Variants in MED12L observed in about 807,000 individuals in gnomAD.
MED12L encodes mediator complex subunit 12L, also known as mediator of RNA polymerase II transcription subunit 12-like protein.
A neutral mutation model predicts 281.3 loss-of-function variants in MED12L; 60 were observed. The ratio of observed to expected loss-of-function variants is 0.21; its 90% CI spans 0.17 to 0.26. MED12L has a LOEUF of 0.26. MED12L is among the 10% of genes least tolerant of loss of function. The pLI is 1.00. For missense variants in MED12L, 2,146 were observed against 2,680.9 expected (o/e 0.80, Z 4.41); for synonymous variants, 974 against 987.2 (o/e 0.99, Z 0.25).
intron 16 of MED12L, among the ~76,000 whole-genome samples, chr3:151,283,723 A>G (rs1407327508): frequency 6.6e-6 from 1 of 152,234 alleles, no homozygotes; most frequent in African/African-American, 2.4e-5. Flanking sequence ...TGGGGAAGAC[A>G]GAGAATATTC....
intron 16 of MED12L, among the ~76,000 whole-genome samples, chr3:151,282,176 C>G (rs182149369): frequency 6.6e-6 from 1 of 152,182 alleles, no homozygotes; most frequent in Admixed American, 6.5e-5. Flanking sequence ...CCCACTTGCT[C>G]TCTTGGAGAC....
intron 16 of MED12L, among the ~76,000 whole-genome samples, chr3:151,194,284 G>T (rs139231332): frequency 2.6e-5 from 4 of 152,092 alleles, no homozygotes; most frequent in African/African-American, 7.2e-5. Flanking sequence ...GTTCTAATTT[G>T]AAAGTAAATT....
Position 151,424,252 on chromosome 3 carries a change from A to G in MED12L, c.6409-6047A>G, listed in dbSNP as rs139568222. ...TTTATAGAAAGAGGTTGGGGAAGAA[A>G]TATCAGGAGATTTCTGGTAACTGGA... is the stretch of plus-strand genomic sequence containing the variant. On this transcript the variant is annotated intron_variant, in intron 43 of 44. Coordinates refer to ENST00000687756, the MANE Select transcript of MED12L (RefSeq NM_001393769.1). Among the ~76,000 whole-genome samples the G allele has an allele frequency of 1.4e-4, 22 of 152,316 alleles. No individual in the cohort carries two copies. The East Asian group carries it at 4.2e-3, about 29-fold the overall frequency.
chr3:151,336,484 A>T (rs1031012433), intron 16 of MED12L: 1 of 456,108 alleles, frequency 2.2e-6, no homozygotes, highest in African/African-American at 2.0e-5. Context: ...ACACCCTTTT[A>T]TTTCTTCTGG....
At chr3:151,194,214 G>A (rs992669358) in intron 16 of MED12L, among the ~76,000 whole-genome samples, 5 of 152,052 alleles carry the variant, frequency 3.3e-5, no homozygotes, top group South Asian at 2.1e-4. Context: ...TGATCCGTCC[G>A]CCTAGGCCTC....
chr3:151,210,365 C>T (rs192016595), intron 16 of MED12L, among the ~76,000 whole-genome samples: 3 of 152,166 alleles, frequency 2.0e-5, no homozygotes, highest in East Asian at 1.9e-4. Flanking sequence ...ACAAAGAAGA[C>T]GGAGGCTGAA....
chr3:151,187,952 T>G (rs764721530), intron 12 of MED12L: 1 of 152,688 alleles, frequency 6.5e-6, no homozygotes, highest in Non-Finnish European at 1.5e-5. Context: ...GAATAGTTTG[T>G]TGTACCATAA....
intron 16 of MED12L, among the ~76,000 whole-genome samples, chr3:151,317,209 T>C (rs9872645): frequency 0.11 from 16,829 of 152,088 alleles, 1,230 homozygotes; most frequent in Middle Eastern, 0.18. Context: ...AATTGATAAC[T>C]TTGGAAACTT....
chr3:151,319,271 TA>T (rs1168553917), intron 16 of MED12L, among the ~76,000 whole-genome samples: 1 of 152,124 alleles, frequency 6.6e-6, no homozygotes, highest in Non-Finnish European at 1.5e-5. Flanking sequence ...TAAACCAGCA[TA>T]ATTTTTTTCC....
intron 16 of MED12L, among the ~76,000 whole-genome samples, chr3:151,324,745 C>T (rs1172817231): frequency 6.6e-6 from 1 of 152,176 alleles, no homozygotes; most frequent in East Asian, 1.9e-4. Flanking sequence ...CAGCCGATTC[C>T]GGTAGCCACT....
intron 16 of MED12L, among the ~76,000 whole-genome samples, chr3:151,246,156 G>A (rs1735407649): frequency 6.6e-6 from 1 of 152,146 alleles, no homozygotes; most frequent in Admixed American, 6.5e-5. Context: ...CCATGCTCAT[G>A]GGTAGGAAGA....
chr3:151,372,498 A>G, intron 26 of MED12L, 69 bp from the exon 27 acceptor site: 1 of 1,133,982 alleles, frequency 8.8e-7, no homozygotes, highest in Non-Finnish European at 1.3e-6. Context: ...TGCTATCCTC[A>G]TTTGCTCCTC....
At chr3:151,176,444 T>A (rs959760477) in intron 11 of MED12L, among the ~76,000 whole-genome samples, 1 of 152,232 alleles carries the variant, frequency 6.6e-6, no homozygotes, top group Non-Finnish European at 1.5e-5. Flanking sequence ...CATAAACATA[T>A]ATGAACACTT....
intron 16 of MED12L, chr3:151,294,850 A>G: frequency 1.2e-6 from 2 of 1,614,100 alleles, no homozygotes; most frequent in Non-Finnish European, 1.7e-6. Flanking sequence ...TTATCAGCCC[A>G]AGGAACACGA....
rs1745934008 is a variant in MED12L, at chr3:151,301,609, A to G, written c.2251-48450A>G. 2.0e-5 allele frequency among the ~76,000 whole-genome samples: 3 copies of G among 152,240 alleles called. No homozygotes were observed. In the South Asian group the frequency reaches 6.2e-4, roughly 31 times the overall value. On this transcript the variant is annotated intron_variant, in intron 16 of 44. Coordinates refer to ENST00000687756, the MANE Select transcript of MED12L (RefSeq NM_001393769.1). ...CAGAACCCAATTTAAAAAAGGTCAA[A>G]AGATTTGTCTAGACATTTCACCAAG... is the stretch of plus-strand genomic sequence containing the variant.
intron 16 of MED12L, among the ~76,000 whole-genome samples, chr3:151,257,569 GT>G (rs1450533234): frequency 2.6e-5 from 4 of 152,194 alleles, no homozygotes; most frequent in Admixed American, 6.5e-5. Flanking sequence ...GAGGAATATT[GT>G]TCTGTATGCC....
Position 151,274,441 on chromosome 3 carries a change from T to C in MED12L, c.2251-75618T>C, listed in dbSNP as rs190471060. On this transcript the variant is annotated intron_variant, in intron 16 of 44. Transcript: ENST00000687756. The stretch of plus-strand genomic sequence containing the variant: ...GTAGTGCTTATAGGCATATTTATAG[T>C]GGGGAAAGAGGCAGTGAAATCCTTG... Among the ~76,000 whole-genome samples the C allele has an allele frequency of 8.9e-4, 135 of 152,270 alleles. 1 individual carries two copies. Among genetic ancestry groups the C allele is most frequent in the African/African-American group, 3.2e-3 (131 of 41,568 alleles).
Position 151,413,290 on chromosome 3 carries a change from C to T in MED12L, c.6292C>T (p.Leu2098Phe), listed in dbSNP as rs778261298. ...QPQVRQQQRL[L>F]QMQQPQQPQP... The stretch of plus-strand genomic sequence containing the variant: ...GCAAGTTCGACAGCAGCAGAGACTC[C>T]TCCAGGTACGGGGCAGGGAGATGAG... Residue 2098 changes from leucine (L) to phenylalanine (F), a missense_variant, in exon 42 of 45, where the codon CTC becomes TTC. Physicochemically the swap from Leu to Phe is conservative, Grantham distance 22. Around this residue, in one of 9 missense-constraint regions of MED12L, gnomAD observed 496 missense variants for 512.0 expected, o/e 0.97. Coordinates refer to ENST00000687756, the MANE Select transcript of MED12L (RefSeq NM_001393769.1). The T allele has an allele frequency of 2.7e-5, 44 of 1,614,048 alleles. No homozygotes were observed. The Admixed American group carries it at 6.5e-4, about 24-fold the overall frequency.
At chr3:151,116,488 T>C in intron 3 of MED12L, 46 bp downstream of exon 3, 1 of 1,192,852 alleles carries the variant, frequency 8.4e-7, no homozygotes, top group Non-Finnish European at 1.2e-6. Context: ...AAAGTGTGTA[T>C]ATGTGACACC....
Sources: allele counts gnomAD v4.1 joint callset (sites outside exome capture counted in the v4.1 genomes callset), GRCh38; gene constraint gnomAD v4.1.1; regional missense constraint gnomAD v4.1.1; transcripts MANE v1.5; gene names NCBI Gene and HGNC (gene_info 2026-07-23, HGNC 2026-07-21).